GPC5: variants seen among roughly 807,000 people sequenced by gnomAD.
The protein encoded by GPC5 is glypican 5.
GPC5 carries 47 observed loss-of-function variants against 53.9 expected under a neutral mutation model. That is an observed-to-expected ratio of 0.87 (90% CI 0.69 to 1.11). GPC5 has a LOEUF of 1.11. Ranked by LOEUF, GPC5 falls within the 50% of genes most tolerant of loss-of-function variation. The probability of loss-of-function intolerance (pLI) is 0.00; values close to 1 mark genes in which losing one functional copy is unlikely to be tolerated. For synonymous variants in GPC5, 286 were observed against 263.3 expected (o/e 1.09, Z -0.84); for missense variants, 748 against 713.1 (o/e 1.05, Z -0.56).
At chr13:92,704,963 T>C (rs928997155) in intron 7 of GPC5, among the ~76,000 whole-genome samples, 3 of 151,740 alleles carry the variant, frequency 2.0e-5, no homozygotes, top group African/African-American at 7.3e-5. Context: ...CTAAATACTA[T>C]GTTCTAAGTA....
intron 5 of GPC5, among the ~76,000 whole-genome samples, chr13:91,780,081 T>C (rs369862903): frequency 6.6e-6 from 1 of 152,174 alleles, no homozygotes; most frequent in African/African-American, 2.4e-5. Context: ...ACACCAAACA[T>C]GTGAGTAACA....
intron 7 of GPC5, among the ~76,000 whole-genome samples, chr13:92,182,446 A>G (rs777774365): frequency 3.3e-5 from 5 of 152,248 alleles, no homozygotes; most frequent in African/African-American, 4.8e-5. Context: ...GAATTACAAA[A>G]TTCAAAATGT....
intron 7 of GPC5, among the ~76,000 whole-genome samples, chr13:92,214,517 A>G (rs1469804751): frequency 6.6e-6 from 1 of 152,112 alleles, no homozygotes; most frequent in Non-Finnish European, 1.5e-5. Flanking sequence ...GATACTATTC[A>G]CTAAGACTCT....
At chr13:92,829,823 A>G (rs562619765) in intron 7 of GPC5, among the ~76,000 whole-genome samples, 1 of 152,142 alleles carries the variant, frequency 6.6e-6, no homozygotes, top group African/African-American at 2.4e-5. Flanking sequence ...AATACAGAAA[A>G]TATTGAGGAA....
intron 6 of GPC5, among the ~76,000 whole-genome samples, chr13:92,127,994 T>G (rs1308641919): frequency 6.6e-6 from 1 of 152,180 alleles, no homozygotes. Context: ...GGTTTCCATT[T>G]GCCTGGGCTC....
chr13:91,612,437 A>G (rs1048793847), intron 2 of GPC5, among the ~76,000 whole-genome samples: 2 of 152,342 alleles, frequency 1.3e-5, no homozygotes, highest in Middle Eastern at 3.4e-3. Flanking sequence ...ACCTTTTAAC[A>G]TCACAAACAT....
chr13:91,670,696 G>T (rs202104338), intron 2 of GPC5, among the ~76,000 whole-genome samples: 1 of 152,102 alleles, frequency 6.6e-6, no homozygotes, highest in Non-Finnish European at 1.5e-5. Flanking sequence ...CTCATGTTTT[G>T]TCAGTTGCTG....
intron 7 of GPC5, among the ~76,000 whole-genome samples, chr13:92,284,435 A>G (rs1462568460): frequency 6.6e-6 from 1 of 152,000 alleles, no homozygotes; most frequent in East Asian, 1.9e-4. Context: ...GAGGCATAAC[A>G]AAAAAAAGAG....
chr13:91,594,542 T>C (rs896032713), intron 2 of GPC5, among the ~76,000 whole-genome samples: 1 of 152,222 alleles, frequency 6.6e-6, no homozygotes, highest in Non-Finnish European at 1.5e-5. Context: ...TACTTAGTAA[T>C]TTAGTTTTAG....
chr13:91,498,238 GATT>G (rs1342336016), intron 2 of GPC5, among the ~76,000 whole-genome samples: 1 of 85,128 alleles, frequency 1.2e-5, no homozygotes, highest in African/African-American at 5.1e-5. Flanking sequence ...TCTACCCAAA[GATT>G]TTTTTTTTTT....
At chr13:91,514,488 AT>A (rs950647861) in intron 2 of GPC5, among the ~76,000 whole-genome samples, 2 of 151,888 alleles carry the variant, frequency 1.3e-5, no homozygotes, top group Non-Finnish European at 2.9e-5. Flanking sequence ...TTATAATTAG[AT>A]TTTTTTTGCT....
intron 7 of GPC5, among the ~76,000 whole-genome samples, chr13:92,439,704 A>C (rs956711392): frequency 1.3e-5 from 2 of 152,182 alleles, no homozygotes; most frequent in Non-Finnish European, 2.9e-5. Flanking sequence ...TGGAAAACCA[A>C]AGACAATGGG....
At chr13:91,484,591 TTAA>T (rs10596322) in intron 2 of GPC5, among the ~76,000 whole-genome samples, 12,018 of 152,124 alleles carry the variant, frequency 0.079, 526 homozygotes, top group African/African-American at 0.12. Flanking sequence ...TATTTGTATA[TTAA>T]TAATATATTT....
At chr13:92,771,892 T>C (rs897614365) in intron 7 of GPC5, among the ~76,000 whole-genome samples, 2 of 152,182 alleles carry the variant, frequency 1.3e-5, no homozygotes, top group African/African-American at 2.4e-5. Context: ...TGATATCTAA[T>C]AAATAGGAAA....
chr13:92,633,143 T>A (rs1355216863), intron 7 of GPC5, among the ~76,000 whole-genome samples: 1 of 152,158 alleles, frequency 6.6e-6, no homozygotes, highest in Admixed American at 6.5e-5. Flanking sequence ...TCCACCCGCC[T>A]CGGCCTCCCA....
intron 6 of GPC5, among the ~76,000 whole-genome samples, chr13:91,997,712 G>A (rs2138747156): frequency 6.6e-6 from 1 of 152,166 alleles, no homozygotes; most frequent in East Asian, 1.9e-4. Context: ...TAGAGACGGG[G>A]TTTCACCATG....
At chr13:92,179,445 A>G (rs2042131047) in intron 7 of GPC5, among the ~76,000 whole-genome samples, 1 of 152,186 alleles carries the variant, frequency 6.6e-6, no homozygotes. Flanking sequence ...TTGTGTTACC[A>G]TGTTAGGTTC....
chr13:91,767,981 C>T (rs938422612), intron 5 of GPC5, among the ~76,000 whole-genome samples: 3 of 152,098 alleles, frequency 2.0e-5, no homozygotes, highest in South Asian at 2.1e-4. Flanking sequence ...ATTCATCCTT[C>T]GTTTTCATAT....
intron 7 of GPC5, among the ~76,000 whole-genome samples, chr13:92,212,746 G>T (rs2139076481): frequency 6.6e-6 from 1 of 152,316 alleles, no homozygotes; most frequent in Middle Eastern, 3.4e-3. Context: ...TCTGGGCACA[G>T]CAGTGACCCT....
Sources: allele counts gnomAD v4.1 joint callset (sites outside exome capture counted in the v4.1 genomes callset), GRCh38; gene constraint gnomAD v4.1.1; transcripts MANE v1.5; gene names NCBI Gene and HGNC (gene_info 2026-07-23, HGNC 2026-07-21).